The following PRDM5 variants were observed in gnomAD, a reference collection of about 807,000 sequenced individuals.
The protein encoded by PRDM5 is PR/SET domain 5, also known as PR domain zinc finger protein 5.
Under a neutral mutation model 81.2 loss-of-function variants are expected in PRDM5, and 56 were observed. The ratio of observed to expected loss-of-function variants is 0.69; its 90% confidence interval spans 0.56 to 0.86. The LOEUF is 0.86. Ranked by LOEUF, PRDM5 falls within the 40% of genes least tolerant of loss-of-function variation. The probability of loss-of-function intolerance (pLI) is 0.00; values close to 1 mark genes in which losing one functional copy is unlikely to be tolerated. For missense variants in PRDM5, 697 were observed against 770.1 expected (o/e 0.91, Z 1.12); for synonymous variants, 267 against 256.4 (o/e 1.04, Z -0.39).
At chr4:120,809,254 G>A (rs1753483695) in intron 8 of PRDM5, among the ~76,000 whole-genome samples, 1 of 137,628 alleles carries the variant, frequency 7.3e-6, no homozygotes, top group Non-Finnish European at 1.6e-5. Context: ...GGGGTGAGGG[G>A]AGGGGGGAGG....
intron 14 of PRDM5, among the ~76,000 whole-genome samples, chr4:120,713,388 T>A (rs945611158): frequency 1.3e-5 from 2 of 152,188 alleles, no homozygotes; most frequent in Non-Finnish European, 2.9e-5. Context: ...TTTTTTGTGA[T>A]CCAAAGATTA....
chr4:120,691,144 T>C (rs1197613458), downstream of PRDM5, among the ~76,000 whole-genome samples: 2 of 152,128 alleles, frequency 1.3e-5, no homozygotes, highest in African/African-American at 4.8e-5. Context: ...AGAAGAGGAA[T>C]TTGGACATTG....
chr4:120,809,125 C>T (rs867083280), intron 8 of PRDM5, among the ~76,000 whole-genome samples: 1 of 152,202 alleles, frequency 6.6e-6, no homozygotes, highest in Non-Finnish European at 1.5e-5. Flanking sequence ...CACACTGTCA[C>T]CTCTCATTAT....
intron 15 of PRDM5, among the ~76,000 whole-genome samples, chr4:120,696,720 A>G (rs1229042034): frequency 6.6e-6 from 1 of 151,624 alleles, no homozygotes; most frequent in Non-Finnish European, 1.5e-5. Context: ...TTTCTCTTTC[A>G]TCTTCCTCAG....
rs116204093 is a variant in PRDM5, at chr4:120,844,257, G to A, written c.300+9161C>T. ...AAAAACTACAAACCTGGCAAGGGGTGGTGATAATGAAAATTTAAGCTTACT... is the reference window on the plus strand; with the variant it reads ...AAAAACTACAAACCTGGCAAGGGGTAGTGATAATGAAAATTTAAGCTTACT... On this transcript the variant is annotated intron_variant, in intron 3 of 15. Transcript: ENST00000264808. Among the ~76,000 whole-genome samples, 125 of 152,236 alleles carry A rather than the reference G, an allele frequency of 8.2e-4. 1 individual carries two copies. Among genetic ancestry groups the A allele is most frequent in the African/African-American group, 2.9e-3 (119 of 41,542 alleles).
At chr4:120,831,991 AC>A (rs1469765121) in intron 3 of PRDM5, among the ~76,000 whole-genome samples, 1 of 152,046 alleles carries the variant, frequency 6.6e-6, no homozygotes, top group Non-Finnish European at 1.5e-5. Context: ...ATACTTCCTA[AC>A]CATCTGTGCT....
At chr4:120,921,979 A>T (rs142257180) in intron 1 of PRDM5, among the ~76,000 whole-genome samples, 1 of 152,246 alleles carries the variant, frequency 6.6e-6, no homozygotes, top group Non-Finnish European at 1.5e-5. Context: ...TCCTGGGCGT[A>T]TGAATGAGAT....
At chr4:120,741,699 C>T (rs1423699043) in intron 14 of PRDM5, among the ~76,000 whole-genome samples, 2 of 152,084 alleles carry the variant, frequency 1.3e-5, no homozygotes, top group African/African-American at 2.4e-5. Flanking sequence ...CACTCCCACC[C>T]GAATACTGCG....
At chr4:120,729,536 G>A (rs189009900) in intron 14 of PRDM5, among the ~76,000 whole-genome samples, 35 of 152,138 alleles carry the variant, frequency 2.3e-4, no homozygotes, top group African/African-American at 7.5e-4. Context: ...TGGCCTAGAC[G>A]TATCTCCCTG....
rs1350238918 is a variant in PRDM5, at chr4:120,821,222, T to C, written c.424A>G (p.Lys142Glu). The C allele has an allele frequency of 6.2e-7, 1 of 1,614,150 alleles. No individual in the cohort carries two copies. The highest frequency in any genetic ancestry group is 1.7e-5 in the Admixed American group (1 of 60,002). Residue 142 changes from lysine to glutamate, a missense_variant, in exon 4 of 16, where the codon AAA becomes GAA. Physicochemically the swap from Lys to Glu is moderately conservative, Grantham distance 56. Transcript: ENST00000264808. Reference sequence around the variant, plus strand: ...CTAGAATTTTCAACTTCCCCTTCTTTGATGACTGTCATAATTTGCTGTTCT... The same window carrying C: ...CTAGAATTTTCAACTTCCCCTTCTTCGATGACTGTCATAATTTGCTGTTCT... ...EEEQQIMTVI[K>E]EGEVENSRRQ... is the part of the protein sequence containing the mutation.
rs148003239 is a variant in PRDM5 at position 120,692,065 on chromosome 4, T to C, written c.*3046A>G. ...TAGGATTTTAAAGAGGCACATTTCC[T>C]CCTACCTACCCACTTCCACATATTC... On this transcript the variant is annotated 3_prime_UTR_variant, in exon 16 of 16. Coordinates refer to ENST00000264808, the MANE Select transcript of PRDM5 (RefSeq NM_018699.4). 1 of 152,192 alleles carries C rather than the reference T, an allele frequency of 6.6e-6. No individual in the cohort carries two copies. Among genetic ancestry groups the C allele is most frequent in the Admixed American group, 6.6e-5 (1 of 15,264 alleles). 9.4% of individuals were successfully genotyped at this position (152,192 alleles called of 1,614,324 possible). A position where few individuals can be genotyped will look rare whatever the true frequency, so the allele number is the denominator to read the frequency against.
At chr4:120,766,735 T>C (rs1446921461) in intron 13 of PRDM5, among the ~76,000 whole-genome samples, 1 of 152,208 alleles carries the variant, frequency 6.6e-6, no homozygotes, top group African/African-American at 2.4e-5. Context: ...TTTATGACCT[T>C]AGGCAAATCA....
intron 12 of PRDM5, among the ~76,000 whole-genome samples, chr4:120,779,599 G>A (rs1748714781): frequency 1.3e-5 from 2 of 152,104 alleles, no homozygotes; most frequent in African/African-American, 4.8e-5. Flanking sequence ...CTGAATACCT[G>A]TATCAAAATA....
chr4:120,922,496 G>A lies in PRDM5; in HGVS notation c.93+20C>T, dbSNP rs556976941. Reference sequence around the variant, plus strand: ...GCGCGCGAGGTGCAGGGGCGCGCAGGCCGCCGCCGGGTCACCCACCTTTCG... The same window carrying A: ...GCGCGCGAGGTGCAGGGGCGCGCAGACCGCCGCCGGGTCACCCACCTTTCG... On this transcript the variant is annotated intron_variant, in intron 1 of 15. Coordinates refer to ENST00000264808, the MANE Select transcript of PRDM5 (RefSeq NM_018699.4). 6.9e-6 allele frequency: 11 copies of A among 1,584,546 alleles called. No homozygotes were observed. Among genetic ancestry groups the A allele is most frequent in the Non-Finnish European group, 8.6e-6 (10 of 1,167,024 alleles).
rs978292564 is a variant in PRDM5 at position 120,692,027 on chromosome 4, A to C, written c.*3084T>G. 6.6e-6 allele frequency: 1 copy of C among 152,030 alleles called. No homozygotes were observed. Among genetic ancestry groups the C allele is most frequent in the Admixed American group, 6.6e-5 (1 of 15,228 alleles). The allele number at this position is 152,030 out of a possible 1,614,324, so 9.4% of individuals were successfully genotyped here. ...ATACACGCAAACAAATGTCAATATCAATGGTAAAATTTTAGGATTTTAAAG... is the reference window on the plus strand; with the variant it reads ...ATACACGCAAACAAATGTCAATATCCATGGTAAAATTTTAGGATTTTAAAG... On this transcript the variant is annotated 3_prime_UTR_variant, in exon 16 of 16. Transcript: ENST00000264808.
chr4:120,732,285 C>T (rs1296651774), intron 14 of PRDM5, among the ~76,000 whole-genome samples: 1 of 152,148 alleles, frequency 6.6e-6, no homozygotes, highest in Non-Finnish European at 1.5e-5. Context: ...TAACTCAGTA[C>T]ATAGTATATA....
At chr4:120,788,798 AAATACTTTTGTC>A (rs1750137370) in intron 10 of PRDM5, among the ~76,000 whole-genome samples, 1 of 152,214 alleles carries the variant, frequency 6.6e-6, no homozygotes, top group Non-Finnish European at 1.5e-5. Context: ...CCAGGTGAAT[AAATACTTTTGTC>A]AAGAAGGATG....
chr4:120,762,069 A>G (rs1745699276), intron 13 of PRDM5, among the ~76,000 whole-genome samples: 1 of 152,170 alleles, frequency 6.6e-6, no homozygotes, highest in South Asian at 2.1e-4. Context: ...TTAATATAAA[A>G]AGACCATTTT....
intron 3 of PRDM5, among the ~76,000 whole-genome samples, chr4:120,843,367 T>C (rs555989294): frequency 3.8e-4 from 58 of 151,734 alleles, no homozygotes; most frequent in Admixed American, 1.0e-3. Context: ...TTTAATTTAA[T>C]GCCAATGTCC....
Sources: allele counts gnomAD v4.1 joint callset (sites outside exome capture counted in the v4.1 genomes callset), GRCh38; gene constraint gnomAD v4.1.1; transcripts MANE v1.5; gene names NCBI Gene and HGNC (gene_info 2026-07-23, HGNC 2026-07-21).